The following ADK variants were observed in gnomAD, a reference collection of about 807,000 sequenced individuals.
ADK encodes the protein N6,N6-dimethyladenosine kinase.
In ADK, 24 loss-of-function variants were observed where a neutral mutation model predicts 44.7. That is an observed-to-expected ratio of 0.54 (90% CI 0.39 to 0.76). ADK has a LOEUF of 0.76. ADK is among the 30% of genes least tolerant of loss of function. The pLI is 0.00. For missense variants in ADK, 321 were observed against 425.1 expected (o/e 0.76, Z 2.15); for synonymous variants, 128 against 142.6 (o/e 0.90, Z 0.73).
At chr10:74,671,241 A>G (rs1345372423) in intron 10 of ADK, among the ~76,000 whole-genome samples, 1 of 145,504 alleles carries the variant, frequency 6.9e-6, no homozygotes, top group African/African-American at 2.6e-5. Context: ...TTTTTCTCCC[A>G]GGCTGGTGTG....
chr10:74,435,251 A>C (rs1190382373), intron 6 of ADK, among the ~76,000 whole-genome samples: 1 of 152,248 alleles, frequency 6.6e-6, no homozygotes, highest in Admixed American at 6.5e-5. Context: ...TGAAGACTTT[A>C]TCCTTGGAAA....
chr10:74,644,556 C>G (rs573576723), intron 9 of ADK, among the ~76,000 whole-genome samples: 1 of 152,160 alleles, frequency 6.6e-6, no homozygotes, highest in Non-Finnish European at 1.5e-5. Flanking sequence ...ATTTTTGAGG[C>G]AGGGTCTTGC....
At chr10:74,599,591 A>G (rs1254695017) in intron 8 of ADK, among the ~76,000 whole-genome samples, 1 of 152,252 alleles carries the variant, frequency 6.6e-6, no homozygotes, top group Non-Finnish European at 1.5e-5. Context: ...CTGAATACAG[A>G]CATGGATTTT....
At chr10:74,562,092 C>T (rs912094897) in intron 7 of ADK, among the ~76,000 whole-genome samples, 1 of 152,094 alleles carries the variant, frequency 6.6e-6, no homozygotes, top group Non-Finnish European at 1.5e-5. Context: ...TGCTATGTAC[C>T]AAGCACTTCT....
At chr10:74,573,468 TGAG>T (rs1851048524) in intron 7 of ADK, among the ~76,000 whole-genome samples, 1 of 152,206 alleles carries the variant, frequency 6.6e-6, no homozygotes, top group Non-Finnish European at 1.5e-5. Flanking sequence ...GGGACCCACT[TGAG>T]GAGGCAGTCT....
rs1260803589 is a variant in ADK, at chr10:74,394,137, A to G, written c.274-4A>G. ...ATTAAATTATTTATGTTCCTGTTTTACAGTGGATGATTCAACAGCCACACA... is the reference window on the plus strand; with the variant it reads ...ATTAAATTATTTATGTTCCTGTTTTGCAGTGGATGATTCAACAGCCACACA... On this transcript the variant is annotated splice_polypyrimidine_tract_variant and splice_region_variant and intron_variant, in intron 4 of 10. Coordinates refer to ENST00000539909, the MANE Select transcript of ADK (RefSeq NM_006721.4). The G allele has an allele frequency of 1.2e-6, 2 of 1,613,926 alleles. No homozygotes were observed. The highest frequency in any genetic ancestry group is 1.7e-6 in the Non-Finnish European group (2 of 1,179,838).
At chr10:74,225,911 G>A (rs1001951739) in intron 3 of ADK, among the ~76,000 whole-genome samples, 4 of 152,136 alleles carry the variant, frequency 2.6e-5, no homozygotes, top group South Asian at 2.1e-4. Flanking sequence ...GAATTAAGTA[G>A]TTGGTGAGCC....
chr10:74,195,085 C>CA (rs1188790575), intron 1 of ADK, among the ~76,000 whole-genome samples: 1 of 86,492 alleles, frequency 1.2e-5, no homozygotes, highest in South Asian at 2.9e-4. Flanking sequence ...GACCGCTCCC[C>CA]CCCCCAAAAA....
intron 7 of ADK, among the ~76,000 whole-genome samples, chr10:74,535,875 C>G (rs891561845): frequency 1.3e-5 from 2 of 151,728 alleles, no homozygotes; most frequent in Non-Finnish European, 2.9e-5. Context: ...AGGTGTGAGC[C>G]CCCCACCCAG....
chr10:74,555,187 G>A (rs530302369), intron 7 of ADK, among the ~76,000 whole-genome samples: 1 of 152,280 alleles, frequency 6.6e-6, no homozygotes, highest in Admixed American at 6.5e-5. Flanking sequence ...CAGATCTCCA[G>A]AGGTTGAGGC....
intron 3 of ADK, among the ~76,000 whole-genome samples, chr10:74,262,688 A>T (rs954981616): frequency 5.1e-4 from 46 of 90,486 alleles, no homozygotes; most frequent in African/African-American, 1.6e-3. Flanking sequence ...TCATGTTGTG[A>T]TACTCTTTGG....
intron 4 of ADK, among the ~76,000 whole-genome samples, chr10:74,392,169 T>C (rs1843359601): frequency 6.6e-6 from 1 of 152,184 alleles, no homozygotes; most frequent in Non-Finnish European, 1.5e-5. Flanking sequence ...CTTTTGACTG[T>C]ATACCCAGAA....
At chr10:74,247,167 G>T (rs1182970750) in intron 3 of ADK, among the ~76,000 whole-genome samples, 3 of 147,800 alleles carry the variant, frequency 2.0e-5, no homozygotes, top group African/African-American at 7.5e-5. Context: ...CCAGTTTTTG[G>T]CTTAGCTGAT....
chr10:74,541,794 ACC>A (rs543189156), intron 7 of ADK, among the ~76,000 whole-genome samples: 929 of 63,822 alleles, frequency 0.015, 31 homozygotes, highest in Middle Eastern at 0.064. Context: ...ACCCCCACAC[ACC>A]CCCCCCCCCT....
chr10:74,488,373 A>C (rs1164945190), intron 6 of ADK, among the ~76,000 whole-genome samples: 1 of 136,502 alleles, frequency 7.3e-6, no homozygotes, highest in African/African-American at 2.9e-5. Context: ...GGGAAAAAAG[A>C]CGTGTGTGTG....
chr10:74,433,803 G>A (rs192824180), intron 6 of ADK, among the ~76,000 whole-genome samples: 83 of 129,502 alleles, frequency 6.4e-4, no homozygotes, highest in Non-Finnish European at 9.3e-4. Flanking sequence ...AAACTGGTAT[G>A]GATTGCTAAA....
At chr10:74,226,582 A>G (rs1340133025) in intron 3 of ADK, among the ~76,000 whole-genome samples, 3 of 151,700 alleles carry the variant, frequency 2.0e-5, no homozygotes, top group African/African-American at 7.3e-5. Flanking sequence ...GTAGACATCA[A>G]TATGCTTCTC....
chr10:74,645,256 T>C (rs1449383601), intron 9 of ADK, among the ~76,000 whole-genome samples: 3 of 152,236 alleles, frequency 2.0e-5, no homozygotes, highest in Admixed American at 1.3e-4. Flanking sequence ...ATGGTATTTT[T>C]CTACTTCTCT....
intron 4 of ADK, among the ~76,000 whole-genome samples, chr10:74,344,302 G>A (rs570609995): frequency 1.9e-4 from 29 of 152,272 alleles, no homozygotes; most frequent in Non-Finnish European, 3.5e-4. Flanking sequence ...CTAATCAGGT[G>A]TCTATGCTGC....
Sources: allele counts gnomAD v4.1 joint callset (sites outside exome capture counted in the v4.1 genomes callset), GRCh38; gene constraint gnomAD v4.1.1; transcripts MANE v1.5; gene names NCBI Gene and HGNC (gene_info 2026-07-23, HGNC 2026-07-21).